SYNPO2: variants seen among roughly 807,000 people sequenced by gnomAD.
The protein encoded by SYNPO2 is synaptopodin-2.
SYNPO2 carries 56 observed loss-of-function variants against 85.0 expected under a neutral mutation model. The observed-to-expected ratio is 0.66, with a 90% CI of 0.53 to 0.82. The LOEUF (loss-of-function observed/expected upper bound fraction) is 0.82, where lower values mean the gene tolerates loss of function less well. SYNPO2 is among the 40% of genes least tolerant of loss of function. The pLI, the probability that SYNPO2 is intolerant of heterozygous loss-of-function variation, is 0.00. For synonymous variants in SYNPO2, 602 were observed against 591.1 expected (o/e 1.02, Z -0.27); for missense variants, 1,575 against 1,534.2 (o/e 1.03, Z -0.44).
chr4:118,879,964 C>T (rs1732048005), intron 1 of SYNPO2, among the ~76,000 whole-genome samples: 1 of 152,092 alleles, frequency 6.6e-6, no homozygotes. Flanking sequence ...AGCAGATCAT[C>T]CCTGTCAGGA....
intron 4 of SYNPO2, among the ~76,000 whole-genome samples, chr4:119,049,751 T>C (rs1159457865): frequency 6.6e-6 from 1 of 152,240 alleles, no homozygotes; most frequent in African/African-American, 2.4e-5. Context: ...CAACATTTAA[T>C]TGACATGAGA....
intron 1 of SYNPO2, among the ~76,000 whole-genome samples, chr4:118,929,130 T>G (rs1440589478): frequency 2.8e-5 from 4 of 142,972 alleles, no homozygotes; most frequent in Non-Finnish European, 1.5e-5. Flanking sequence ...AAAGGAAAAG[T>G]AGGAAGGATG....
intron 3 of SYNPO2, among the ~76,000 whole-genome samples, 158 bp downstream of exon 3, chr4:119,027,596 A>C (rs1280710543): frequency 6.6e-6 from 1 of 152,230 alleles, no homozygotes; most frequent in Non-Finnish European, 1.5e-5. Context: ...GAAATTGTGG[A>C]GAATACCAAT....
chr4:119,048,116 A>G (rs566072958), intron 4 of SYNPO2, among the ~76,000 whole-genome samples: 1 of 152,336 alleles, frequency 6.6e-6, no homozygotes, highest in Admixed American at 6.5e-5. Flanking sequence ...AACCTTAAAA[A>G]TCTTCCACCT....
chr4:118,935,052 T>A (rs1483900900), intron 1 of SYNPO2, among the ~76,000 whole-genome samples: 2 of 152,192 alleles, frequency 1.3e-5, no homozygotes, highest in African/African-American at 4.8e-5. Context: ...CATTCTTTCA[T>A]CTGTTCTTAA....
intron 1 of SYNPO2, among the ~76,000 whole-genome samples, chr4:118,874,296 A>G (rs183801465): frequency 6.6e-6 from 1 of 152,336 alleles, no homozygotes; most frequent in East Asian, 1.9e-4. Flanking sequence ...TTGTAAAGCT[A>G]TAAAGTAACA....
At chr4:118,976,177 G>C (rs1231517105) in intron 1 of SYNPO2, among the ~76,000 whole-genome samples, 1 of 151,986 alleles carries the variant, frequency 6.6e-6, no homozygotes, top group East Asian at 2.0e-4. Context: ...TCTGGAGTCT[G>C]TCCCTTCTGA....
intron 1 of SYNPO2, among the ~76,000 whole-genome samples, chr4:118,900,790 T>TCTATA (rs1732730359): frequency 6.7e-6 from 1 of 149,172 alleles, no homozygotes; most frequent in Non-Finnish European, 1.5e-5. Flanking sequence ...TATCTATAGA[T>TCTATA]ATTTGTCAGT....
intron 1 of SYNPO2, among the ~76,000 whole-genome samples, chr4:118,958,950 T>C (rs1734974407): frequency 1.3e-5 from 2 of 152,162 alleles, no homozygotes; most frequent in African/African-American, 4.8e-5. Flanking sequence ...TGATTGAAAA[T>C]GTGTTTCTCT....
At chr4:118,919,719 G>A (rs1733470253) in intron 1 of SYNPO2, among the ~76,000 whole-genome samples, 1 of 152,174 alleles carries the variant, frequency 6.6e-6, no homozygotes, top group African/African-American at 2.4e-5. Flanking sequence ...ATGAGAAGGT[G>A]TCTTTCAGGA....
At chr4:119,018,970 G>T (rs1024056024) in intron 1 of SYNPO2, among the ~76,000 whole-genome samples, 9 of 151,910 alleles carry the variant, frequency 5.9e-5, no homozygotes, top group African/African-American at 1.9e-4. Flanking sequence ...TTTTGAAGTT[G>T]GTAAGCTGCA....
rs763717253 is a variant in SYNPO2, at chr4:119,030,550, T to C, written c.1775T>C (p.Phe592Ser). The C allele has an allele frequency of 2.5e-6, 4 of 1,614,110 alleles. No homozygotes were observed. The highest frequency in any genetic ancestry group is 3.4e-6 in the Non-Finnish European group (4 of 1,180,012). Reference protein sequence around the residue: ...MVPMNRTAKPFPGSVNQPATP... With the variant: ...MVPMNRTAKPSPGSVNQPATP... The stretch of plus-strand genomic sequence containing the variant: ...CCCATGAATAGAACGGCCAAACCCT[T>C]CCCAGGGTCTGTGAATCAGCCAGCT... The change falls in exon 4 of 5, where the codon TTC becomes TCC. Residue 592 changes from phenylalanine (F) to serine (S), a missense_variant. Coordinates refer to ENST00000307142, the MANE Select transcript of SYNPO2 (RefSeq NM_133477.3).
At chr4:118,916,445 C>G (rs2149126340) in intron 1 of SYNPO2, among the ~76,000 whole-genome samples, 1 of 152,026 alleles carries the variant, frequency 6.6e-6, no homozygotes. Context: ...AATGCTGGGA[C>G]TACAGGGGTG....
chr4:118,873,660 G>A (rs991799656), intron 1 of SYNPO2, among the ~76,000 whole-genome samples: 10 of 151,810 alleles, frequency 6.6e-5, no homozygotes, highest in East Asian at 1.9e-4. Context: ...TTGTGTGTTC[G>A]CTTTATTTAT....
At chr4:118,898,445 A>T (rs918409243) in intron 1 of SYNPO2, among the ~76,000 whole-genome samples, 2 of 152,202 alleles carry the variant, frequency 1.3e-5, no homozygotes, top group African/African-American at 4.8e-5. Flanking sequence ...ATCACCTGTT[A>T]TATCACTGCT....
chr4:118,940,287 G>A (rs555351288), intron 1 of SYNPO2, among the ~76,000 whole-genome samples: 1 of 151,826 alleles, frequency 6.6e-6, no homozygotes, highest in South Asian at 2.1e-4. Flanking sequence ...GCGCCTGGCC[G>A]CCTTTTCTCT....
intron 1 of SYNPO2, among the ~76,000 whole-genome samples, chr4:118,972,617 C>T (rs1735579980): frequency 6.6e-6 from 1 of 152,142 alleles, no homozygotes; most frequent in South Asian, 2.1e-4. Flanking sequence ...AAATTTGTCT[C>T]TTAGGTGCTA....
chr4:119,004,295 A>G (rs141380785), intron 1 of SYNPO2, among the ~76,000 whole-genome samples: 14,791 of 151,808 alleles, frequency 0.097, 888 homozygotes, highest in East Asian at 0.2. Flanking sequence ...TTACATATGT[A>G]TACATGTGCC....
At chr4:118,878,163 T>C (rs367943412) in intron 1 of SYNPO2, among the ~76,000 whole-genome samples, 1 of 152,170 alleles carries the variant, frequency 6.6e-6, no homozygotes, top group African/African-American at 2.4e-5. Flanking sequence ...TTTGAGTACA[T>C]ATTGACACAA....
Sources: gnomAD v4.1 joint callset for allele counts (sites outside exome capture counted in the v4.1 genomes callset) on GRCh38, gnomAD v4.1.1 for gene constraint, MANE v1.5 for transcripts, NCBI Gene and HGNC (gene_info 2026-07-23, HGNC 2026-07-21) for gene names.